The following MCCC1 variants were observed in gnomAD, a reference collection of about 807,000 sequenced individuals.
MCCC1 encodes the protein methylcrotonoyl-CoA carboxylase subunit alpha, mitochondrial.
MCCC1 carries 64 observed loss-of-function variants against 83.8 expected under a neutral mutation model. The ratio of observed to expected loss-of-function variants is 0.76; its 90% CI spans 0.62 to 0.94. The LOEUF (loss-of-function observed/expected upper bound fraction) is 0.94. MCCC1 is among the 40% of genes least tolerant of loss of function. The pLI, the probability that MCCC1 is intolerant of heterozygous loss-of-function variation, is 0.00. For synonymous variants in MCCC1, 322 were observed against 315.4 expected, an observed-to-expected ratio of 1.02 and a Z score of -0.22; for missense variants, 807 against 904.7, an observed-to-expected ratio of 0.89 and a Z score of 1.39.
At chr3:183,113,470 C>T (rs1229467363) in intron 1 of MCCC1, among the ~76,000 whole-genome samples, 6 of 151,094 alleles carry the variant, frequency 4.0e-5, no homozygotes, top group South Asian at 4.2e-4. Flanking sequence ...ATGTAAATGA[C>T]GAGTTAATGA....
chr3:183,034,511 T>C (rs1185652924), intron 13 of MCCC1, among the ~76,000 whole-genome samples: 1 of 151,982 alleles, frequency 6.6e-6, no homozygotes, highest in Non-Finnish European at 1.5e-5. Context: ...AGATGTGCTT[T>C]TTTTGTTCTT....
chr3:183,099,976 G>T (rs58441339), upstream of MCCC1, among the ~76,000 whole-genome samples: 1 of 152,168 alleles, frequency 6.6e-6, no homozygotes, highest in Non-Finnish European at 1.5e-5. Context: ...AAGTCAAAGA[G>T]CAAACTGAGG....
chr3:183,028,102 G>A (rs1219382914), intron 14 of MCCC1, among the ~76,000 whole-genome samples: 1 of 152,182 alleles, frequency 6.6e-6, no homozygotes, highest in Non-Finnish European at 1.5e-5. Context: ...GGTTAATGCA[G>A]CCAGTGACTT....
At chr3:183,049,925 C>T (rs1297514329) in intron 9 of MCCC1, among the ~76,000 whole-genome samples, 2 of 152,284 alleles carry the variant, frequency 1.3e-5, no homozygotes, top group East Asian at 3.9e-4. Context: ...TTGAGACCAG[C>T]CTTGGCAATA....
At chr3:183,075,590 GAGTGC>G (rs1717011919) in intron 4 of MCCC1, among the ~76,000 whole-genome samples, 1 of 147,286 alleles carries the variant, frequency 6.8e-6, no homozygotes. Flanking sequence ...ACCCAGGCTA[GAGTGC>G]AGTGGCATGA....
At chr3:183,088,603 C>G (rs1049434029) in intron 3 of MCCC1, among the ~76,000 whole-genome samples, 6 of 152,206 alleles carry the variant, frequency 3.9e-5, no homozygotes, top group Non-Finnish European at 8.8e-5. Flanking sequence ...GGTACTCCCC[C>G]CATTGCAGTC....
chr3:183,082,421 T>C (rs1717577606), intron 4 of MCCC1, among the ~76,000 whole-genome samples: 1 of 152,124 alleles, frequency 6.6e-6, no homozygotes, highest in Non-Finnish European at 1.5e-5. Context: ...ATAATACACA[T>C]ATAGAAAAGC....
chr3:183,020,611 AC>A (rs1342816964), intron 16 of MCCC1, among the ~76,000 whole-genome samples: 1 of 152,022 alleles, frequency 6.6e-6, no homozygotes, highest in Non-Finnish European at 1.5e-5. Context: ...AGCCTGGGTG[AC>A]AGAGTGAGAC....
rs556605254 is a variant in MCCC1, at chr3:183,078,996, C to T, written c.370-6509G>A. On this transcript the variant is annotated intron_variant, in intron 4 of 18. Transcript: ENST00000265594. Reference sequence around the variant, plus strand: ...TGAGACTCATTCATGACCATGAGAACAGCGCAGGAAAGACCTGCCCCCATA... The same window carrying T: ...TGAGACTCATTCATGACCATGAGAATAGCGCAGGAAAGACCTGCCCCCATA... Among the ~76,000 whole-genome samples, 179 of 152,312 alleles carry T rather than the reference C, an allele frequency of 1.2e-3. 1 individual carries two copies. Among genetic ancestry groups the T allele is most frequent in the African/African-American group, 3.3e-3 (139 of 41,562 alleles).
intron 3 of MCCC1, chr3:183,091,003 A>T (rs1456407909): frequency 2.2e-6 from 1 of 456,452 alleles, no homozygotes; most frequent in East Asian, 6.9e-5. Flanking sequence ...CCTCAATTTT[A>T]TTTTCTCTGT....
intron 14 of MCCC1, 39 bp downstream of exon 14, chr3:183,033,952 C>T (rs745924422): frequency 4.2e-6 from 6 of 1,433,868 alleles, no homozygotes; most frequent in Middle Eastern, 2.0e-4. Context: ...TGATACATTT[C>T]TATGACTCAC....
intron 5 of MCCC1, 34 bp downstream of exon 5, chr3:183,072,332 A>G: frequency 1.2e-6 from 2 of 1,611,582 alleles, no homozygotes. Context: ...ACTGACCTTC[A>G]TACAGTTATA....
intron 16 of MCCC1, among the ~76,000 whole-genome samples, chr3:183,020,588 G>A (rs558003316): frequency 1.2e-3 from 177 of 151,602 alleles, no homozygotes; most frequent in Non-Finnish European, 2.2e-3. Context: ...CTAAGACTGC[G>A]CCACTGCACT....
chr3:183,058,884 A>T (rs1715626506), intron 7 of MCCC1, among the ~76,000 whole-genome samples: 1 of 152,236 alleles, frequency 6.6e-6, no homozygotes, highest in Admixed American at 6.5e-5. Context: ...TTGATTTTTT[A>T]AAATAAAAAC....
intron 11 of MCCC1, among the ~76,000 whole-genome samples, chr3:183,039,887 G>A (rs1713928204): frequency 6.6e-6 from 1 of 151,896 alleles, no homozygotes; most frequent in Non-Finnish European, 1.5e-5. Context: ...ACAAAGTCAG[G>A]AGTTCAAGAC....
At chr3:183,069,157 G>T (rs756399918) in intron 7 of MCCC1, among the ~76,000 whole-genome samples, 1 of 152,132 alleles carries the variant, frequency 6.6e-6, no homozygotes, top group Non-Finnish European at 1.5e-5. Flanking sequence ...AAGGAAAGTA[G>T]TATGCCAGGC....
chr3:183,078,740 C>G (rs1374901737), intron 4 of MCCC1, among the ~76,000 whole-genome samples: 1 of 152,160 alleles, frequency 6.6e-6, no homozygotes, highest in Non-Finnish European at 1.5e-5. Flanking sequence ...GATAAATGCT[C>G]TTCTTTCATA....
chr3:183,111,580 G>A (rs1357729738), intron 1 of MCCC1, among the ~76,000 whole-genome samples: 5 of 152,204 alleles, frequency 3.3e-5, no homozygotes, highest in Admixed American at 6.5e-5. Flanking sequence ...GATTACAGGC[G>A]TGAGTCACCG....
rs1177329786 is a variant in MCCC1 at position 183,020,122 on chromosome 3, G to A, written c.1977+8C>T. ...CTGAACATCATTCTACAGATGTCAT[G>A]TGATTACCTTTTCAATGGTTCCAGT... On this transcript the variant is annotated splice_region_variant and intron_variant, in intron 17 of 18. Transcript: ENST00000265594. 3 of 1,597,972 alleles carry A rather than the reference G, an allele frequency of 1.9e-6. No homozygotes were observed. The highest frequency in any genetic ancestry group is 2.6e-6 in the Non-Finnish European group (3 of 1,165,482).
Sources: gnomAD v4.1 joint callset for allele counts (sites outside exome capture counted in the v4.1 genomes callset) on GRCh38, gnomAD v4.1.1 for gene constraint, MANE v1.5 for transcripts, NCBI Gene and HGNC (gene_info 2026-07-23, HGNC 2026-07-21) for gene names.